The following PCDHGB7 variants were observed in gnomAD, a reference collection of about 807,000 sequenced individuals.
The protein encoded by PCDHGB7 is protocadherin gamma-B7.
PCDHGB7 carries 37 observed loss-of-function variants against 61.4 expected under a neutral mutation model. The observed-to-expected ratio is 0.60, with a 90% confidence interval of 0.46 to 0.79. The LOEUF (loss-of-function observed/expected upper bound fraction) is 0.79. Ranked by LOEUF, PCDHGB7 falls within the 30% of genes least tolerant of loss-of-function variation. The probability of loss-of-function intolerance (pLI) is 0.00; values close to 1 mark genes in which losing one functional copy is unlikely to be tolerated. For synonymous variants in PCDHGB7, 464 were observed against 503.5 expected, an observed-to-expected ratio of 0.92 and a Z score of 1.05; for missense variants, 1,166 against 1,202.5, an observed-to-expected ratio of 0.97 and a Z score of 0.45.
intron 1 of PCDHGB7, among the ~76,000 whole-genome samples, chr5:141,481,153 A>G (rs1376488411): frequency 2.0e-5 from 3 of 152,224 alleles, no homozygotes; most frequent in Non-Finnish European, 4.4e-5. Context: ...TTATTCTGGT[A>G]TTTGCAGAAC....
intron 1 of PCDHGB7, chr5:141,427,093 G>A (rs1446677593): frequency 2.2e-6 from 1 of 458,122 alleles, no homozygotes. Flanking sequence ...CAGGATGAGG[G>A]TGTCAATGCG....
chr5:141,474,208 A>C (rs1243312558), intron 1 of PCDHGB7, among the ~76,000 whole-genome samples: 1 of 152,242 alleles, frequency 6.6e-6, no homozygotes, highest in Non-Finnish European at 1.5e-5. Context: ...TGATTTTCAA[A>C]AACCAGATTG....
At chr5:141,426,665 T>A in intron 1 of PCDHGB7, 1 of 429,940 alleles carries the variant, frequency 2.3e-6, no homozygotes, top group South Asian at 1.6e-5. Context: ...ATATAAATGA[T>A]AACCCACCTC....
chr5:141,423,264 C>T (rs1452323474), intron 1 of PCDHGB7: 6 of 1,613,868 alleles, frequency 3.7e-6, no homozygotes, highest in Non-Finnish European at 5.1e-6. Context: ...TCGGCAGCCT[C>T]GAGTCTCTGG....
rs2096184376 is a variant in PCDHGB7 at position 141,417,903 on chromosome 5, A to G, written c.44A>G (p.Gln15Arg). The G allele has an allele frequency of 1.3e-6, 2 of 1,590,930 alleles. No individual in the cohort carries two copies. Among genetic ancestry groups the G allele is most frequent in the Non-Finnish European group, 8.6e-7 (1 of 1,168,242 alleles). Residue 15 changes from glutamine (Q) to arginine (R), a missense_variant, in exon 1 of 4, where the codon CAG (glutamine) becomes CGG (arginine). Gln to Arg is a conservative substitution (Grantham distance 43). Coordinates refer to ENST00000398594, the MANE Select transcript of PCDHGB7 (RefSeq NM_018927.4). ...CAGAGGCGCCGGGCCGGCCCGCGGC[A>G]GGTACTATTTCCTTTGCTGCTGCCT... is the stretch of plus-strand genomic sequence containing the variant. ...CAQRRRAGPRQVLFPLLLPLF... is the reference protein window; with the variant it reads ...CAQRRRAGPRRVLFPLLLPLF...
intron 2 of PCDHGB7, among the ~76,000 whole-genome samples, chr5:141,503,824 C>G (rs1216231770): frequency 1.3e-5 from 2 of 152,058 alleles, no homozygotes; most frequent in South Asian, 4.1e-4. Context: ...TTGGGCAAAA[C>G]CAAAAGCAGG....
intron 1 of PCDHGB7, among the ~76,000 whole-genome samples, chr5:141,457,537 T>C (rs967428207): frequency 6.6e-6 from 1 of 152,228 alleles, no homozygotes; most frequent in Non-Finnish European, 1.5e-5. Context: ...TAGGGTTTAA[T>C]GACAAATGTA....
rs910172118 is a variant in PCDHGB7, at chr5:141,419,816, C to T, written c.1957C>T (p.Pro653Ser). ...CGCTGTAAGAGATGGAGGACAGCCA[C>T]CCCTTTCAGCCACTGCCACGCTGCA... Reference protein sequence around the residue: ...LVAVRDGGQPPLSATATLHLV... With the variant: ...LVAVRDGGQPSLSATATLHLV... The change falls in exon 1 of 4, where the codon CCC (proline) becomes TCC (serine). Residue 653 changes from proline (P) to serine (S), a missense_variant. Coordinates refer to ENST00000398594, the MANE Select transcript of PCDHGB7 (RefSeq NM_018927.4). The T allele has an allele frequency of 1.2e-6, 2 of 1,614,058 alleles. No individual in the cohort carries two copies. Among genetic ancestry groups the T allele is most frequent in the Non-Finnish European group, 8.5e-7 (1 of 1,179,878 alleles).
At chr5:141,478,449 C>A in intron 1 of PCDHGB7, 1 of 1,613,540 alleles carries the variant, frequency 6.2e-7, no homozygotes. Context: ...AAACCTGGTG[C>A]AGCCAGTCCA....
rs772444495 is a variant in PCDHGB7 at position 141,491,766 on chromosome 5, T to C, written c.2416-3041T>C. 14 of 1,567,738 alleles carry C rather than the reference T, an allele frequency of 8.9e-6. No homozygotes were observed. The African/African-American group carries it at 1.6e-4, about 18-fold the overall frequency. ...GCACTGGAGAAGCCGCCCGTCCTCA[T>C]AAGGGATTGAACTTGCATCCACTCC... On this transcript the variant is annotated intron_variant, in intron 1 of 3. Coordinates refer to ENST00000398594, the MANE Select transcript of PCDHGB7 (RefSeq NM_018927.4). The surrounding 1 kb of genome is among the most constrained non-coding windows in gnomAD (Gnocchi z 6.9).
intron 1 of PCDHGB7, among the ~76,000 whole-genome samples, chr5:141,462,798 C>A (rs1458659959): frequency 6.6e-6 from 1 of 152,072 alleles, no homozygotes; most frequent in Non-Finnish European, 1.5e-5. Flanking sequence ...ATTTGCATGT[C>A]TAATAATGTT....
rs953428261 is a variant in PCDHGB7, at chr5:141,430,262, T to C, written c.2415+9988T>C. On this transcript the variant is annotated intron_variant, in intron 1 of 3. Coordinates refer to ENST00000398594, the MANE Select transcript of PCDHGB7 (RefSeq NM_018927.4). ...AACTCCTAGGGAGACATCTCCATAA[T>C]AGGTGTGTTGGGGGAACAGTAATCT... Among the ~76,000 whole-genome samples the C allele has an allele frequency of 2.6e-5, 4 of 151,892 alleles. No homozygotes were observed. The East Asian group carries it at 5.8e-4, about 22-fold the overall frequency.
Position 141,491,885 on chromosome 5 carries a change from G to T in PCDHGB7, c.2416-2922G>T. On this transcript the variant is annotated intron_variant, in intron 1 of 3. Transcript: ENST00000398594. The surrounding 1 kb of genome is among the most constrained non-coding windows in gnomAD (Gnocchi z 6.9). ...ACCAGAGTGGCCGATTAAGGGATGG[G>T]GCTCCGAGCACCGGGGGTGGTGGCG... The T allele has an allele frequency of 6.9e-7, 1 of 1,445,748 alleles. No homozygotes were observed. Among genetic ancestry groups the T allele is most frequent in the Non-Finnish European group, 9.1e-7 (1 of 1,093,758 alleles). The allele number at this position is 1,445,748 out of a possible 1,614,324, so 89.6% of individuals were successfully genotyped here. A position where few individuals can be genotyped will look rare whatever the true frequency, so the allele number is the denominator to read the frequency against.
chr5:141,457,168 C>T (rs10072917), intron 1 of PCDHGB7, among the ~76,000 whole-genome samples: 42,426 of 152,004 alleles, frequency 0.28, 6,644 homozygotes, highest in African/African-American at 0.43. Context: ...ATGGATAACC[C>T]TATTGCAAAT....
intron 1 of PCDHGB7, chr5:141,422,211 C>G: frequency 6.4e-7 from 1 of 1,563,286 alleles, no homozygotes; most frequent in Non-Finnish European, 8.6e-7. Context: ...GTGGAGGTCT[C>G]TTTACCACCA....
At chr5:141,440,428 C>A (rs1001845529) in intron 1 of PCDHGB7, 1 of 152,132 alleles carries the variant, frequency 6.6e-6, no homozygotes, top group Non-Finnish European at 1.5e-5. Context: ...GCCTGGGTGA[C>A]AGAGCAAGGC....
Position 141,419,276 on chromosome 5 carries a change from CAA to C in PCDHGB7, c.1418_1419del (p.Gln473ArgfsTer5). Reference sequence around the variant, plus strand: ...CAACCAGCCGGGTGCCTCCATAGCGCAAGTCAGTGCCTCTGACCCAGACTTCG... The same window carrying C: ...CAACCAGCCGGGTGCCTCCATAGCGCGTCAGTGCCTCTGACCCAGACTTCG... ...ENNQPGASIA[Q>X]VSASDPDFGL... On this transcript the variant is annotated frameshift_variant, in exon 1 of 4. Coordinates refer to ENST00000398594, the MANE Select transcript of PCDHGB7 (RefSeq NM_018927.4). LOFTEE classifies it high-confidence loss of function. The C allele has an allele frequency of 2.5e-6, 4 of 1,614,038 alleles. No homozygotes were observed. Among genetic ancestry groups the C allele is most frequent in the Non-Finnish European group, 3.4e-6 (4 of 1,179,904 alleles).
chr5:141,455,983 C>T (rs542017964), intron 1 of PCDHGB7, among the ~76,000 whole-genome samples: 23 of 151,546 alleles, frequency 1.5e-4, no homozygotes, highest in African/African-American at 5.1e-4. Context: ...CTGCAAGCTC[C>T]GCCTCTCGGG....
chr5:141,433,192 A>G (rs756991371), intron 1 of PCDHGB7: 1 of 1,585,516 alleles, frequency 6.3e-7, no homozygotes, highest in Non-Finnish European at 8.6e-7. Flanking sequence ...AGGTGAGTTT[A>G]TATCAAATCT....
Sources: allele counts gnomAD v4.1 joint callset (sites outside exome capture counted in the v4.1 genomes callset), GRCh38; gene constraint gnomAD v4.1.1; non-coding constraint Gnocchi (gnomAD v3.1); transcripts MANE v1.5; gene names NCBI Gene and HGNC (gene_info 2026-07-23, HGNC 2026-07-21).